CCDC171: variants seen among roughly 807,000 people sequenced by gnomAD.
CCDC171 encodes the protein coiled-coil domain containing 171.
CCDC171 carries 177 observed loss-of-function variants against 168.2 expected under a neutral mutation model. That is an observed-to-expected ratio of 1.05 (90% CI 0.93 to 1.19). CCDC171 has a LOEUF of 1.19. Ranked by LOEUF, CCDC171 falls within the 50% of genes most tolerant of loss-of-function variation. The pLI is 0.00. For missense variants in CCDC171, 1,991 were observed against 1,539.0 expected, an observed-to-expected ratio of 1.29 and a Z score of -4.91; for synonymous variants, 687 against 540.8, an observed-to-expected ratio of 1.27 and a Z score of -3.75.
intron 21 of CCDC171, among the ~76,000 whole-genome samples, chr9:15,834,184 T>C (rs972813758): frequency 2.6e-5 from 4 of 152,182 alleles, no homozygotes. Context: ...GCAATGGTTT[T>C]GTTTCAGAAA....
In CCDC171 at chr9:15,585,903, G is replaced by A. The variant is rs145449756; in HGVS notation, c.353-5463G>A. Among the ~76,000 whole-genome samples, 157 of 152,218 alleles carry A rather than the reference G, an allele frequency of 1.0e-3. 1 individual carries two copies. Among genetic ancestry groups the A allele is most frequent in the African/African-American group, 3.6e-3 (150 of 41,540 alleles). On this transcript the variant is annotated intron_variant, in intron 4 of 25. Coordinates refer to ENST00000380701, the MANE Select transcript of CCDC171 (RefSeq NM_173550.4). ...AGGCAGAAGGCTCACTTGAACCAAG[G>A]AGACAGAAGTTGCAGTGAGCTGAAA...
intron 25 of CCDC171, among the ~76,000 whole-genome samples, chr9:15,942,831 T>C (rs1280798127): frequency 6.6e-6 from 1 of 151,946 alleles, no homozygotes; most frequent in Non-Finnish European, 1.5e-5. Flanking sequence ...TAGGGTATTA[T>C]AGAAATTTTA....
In CCDC171 at chr9:15,909,529, C is replaced by G. The variant is rs1234273073; in HGVS notation, c.3601-10741C>G. Among the ~76,000 whole-genome samples, 4 of 152,098 alleles carry G rather than the reference C, an allele frequency of 2.6e-5. No homozygotes were observed. The East Asian group carries it at 7.7e-4, about 29-fold the overall frequency. On this transcript the variant is annotated intron_variant, in intron 24 of 25. Coordinates refer to ENST00000380701, the MANE Select transcript of CCDC171 (RefSeq NM_173550.4). ...ACTGGAATGGAATGTCCTGGCGAAA[C>G]AAGTATTTGTGGGCAGGACCAGAAA...
chr9:15,574,012 G>C (rs2040438509), intron 3 of CCDC171, among the ~76,000 whole-genome samples: 1 of 152,110 alleles, frequency 6.6e-6, no homozygotes, highest in African/African-American at 2.4e-5. Context: ...TGAAGTATAT[G>C]TTCACATTAA....
chr9:15,986,906 A>G (rs1171524754), intron 3 of CCDC171, among the ~76,000 whole-genome samples: 2 of 151,958 alleles, frequency 1.3e-5, no homozygotes, highest in Non-Finnish European at 2.9e-5. Flanking sequence ...GGAAAGATGT[A>G]TCCTTTAATA....
At chr9:16,038,084 G>T (rs1833506459), upstream of CCDC171, among the ~76,000 whole-genome samples, 1 of 152,122 alleles carries the variant, frequency 6.6e-6, no homozygotes, top group Admixed American at 6.5e-5. Flanking sequence ...TAATTAGGCA[G>T]CAGATTTCTT....
intron 7 of CCDC171, among the ~76,000 whole-genome samples, chr9:15,637,767 A>C (rs868297464): frequency 2.0e-5 from 3 of 151,592 alleles, no homozygotes; most frequent in Admixed American, 1.3e-4. Context: ...ATGATTTCCA[A>C]TTTCATCCAT....
chr9:15,571,350 T>A (rs943061815), intron 2 of CCDC171, among the ~76,000 whole-genome samples: 2 of 152,224 alleles, frequency 1.3e-5, no homozygotes, highest in Non-Finnish European at 2.9e-5. Context: ...CAGCTTGTGA[T>A]ATGATCAGAC....
chr9:15,964,368 G>A (rs942386430), intron 25 of CCDC171, among the ~76,000 whole-genome samples: 2 of 152,082 alleles, frequency 1.3e-5, no homozygotes, highest in African/African-American at 4.8e-5. Flanking sequence ...TGGTATGCTT[G>A]TTTTTATTTA....
upstream of CCDC171, among the ~76,000 whole-genome samples, chr9:16,040,227 T>C (rs991530833): frequency 1.3e-5 from 2 of 152,304 alleles, no homozygotes; most frequent in South Asian, 2.1e-4. Flanking sequence ...TGGCCAACGC[T>C]TTGCCCAGTC....
At chr9:15,672,707 T>A (rs2049212576) in intron 9 of CCDC171, among the ~76,000 whole-genome samples, 1 of 152,234 alleles carries the variant, frequency 6.6e-6, no homozygotes, top group Non-Finnish European at 1.5e-5. Flanking sequence ...TCCATTGGTC[T>A]ATATATCTGT....
chr9:15,643,429 C>G (rs1289078590), intron 7 of CCDC171, among the ~76,000 whole-genome samples: 1 of 152,158 alleles, frequency 6.6e-6, no homozygotes, highest in Non-Finnish European at 1.5e-5. Context: ...CCTACAACCT[C>G]TGGGGGACCC....
At chr9:15,799,408 T>C (rs2105318) in intron 21 of CCDC171, among the ~76,000 whole-genome samples, 56,963 of 151,246 alleles carry the variant, frequency 0.38, 12,701 homozygotes, top group East Asian at 0.64. Flanking sequence ...TTTGTCTCTA[T>C]GTAATGTGTC....
intron 21 of CCDC171, among the ~76,000 whole-genome samples, chr9:15,789,127 A>G (rs1053075842): frequency 4.6e-5 from 7 of 152,122 alleles, no homozygotes; most frequent in African/African-American, 1.7e-4. Flanking sequence ...GAGCATCCCT[A>G]ATTTGAAAAT....
chr9:15,849,509 T>C (rs1033219522), intron 23 of CCDC171, among the ~76,000 whole-genome samples: 3 of 151,604 alleles, frequency 2.0e-5, no homozygotes, highest in African/African-American at 7.2e-5. Context: ...TGTTAATTTG[T>C]AGTGATGAAC....
chr9:15,639,930 C>G (rs1359735958), intron 7 of CCDC171, among the ~76,000 whole-genome samples: 1 of 152,138 alleles, frequency 6.6e-6, no homozygotes, highest in African/African-American at 2.4e-5. Flanking sequence ...TTGTCTACAA[C>G]ACAGGTCTTT....
the CCDC171 span, among the ~76,000 whole-genome samples, chr9:16,078,055 AACACACACACACACACAC>A: frequency 0.13 from 18,287 of 143,872 alleles, 1,147 homozygotes; most frequent in Middle Eastern, 0.16. Context: ...CACCCATGCA[AACACACACACACACACAC>A]ACACACACAC....
chr9:15,663,614 T>C (rs1022117132), intron 8 of CCDC171, among the ~76,000 whole-genome samples: 2 of 150,926 alleles, frequency 1.3e-5, no homozygotes, highest in African/African-American at 4.9e-5. Flanking sequence ...TTTTCTTTTT[T>C]TTTTTTTTTG....
At chr9:15,773,080 T>G (rs1219309485) in intron 18 of CCDC171, among the ~76,000 whole-genome samples, 6 of 152,148 alleles carry the variant, frequency 3.9e-5, no homozygotes, top group Non-Finnish European at 8.8e-5. Context: ...TTACTAATTA[T>G]TACCTTTTTT....
Sources: gnomAD v4.1 joint callset for allele counts (sites outside exome capture counted in the v4.1 genomes callset) on GRCh38, gnomAD v4.1.1 for gene constraint, MANE v1.5 for transcripts, NCBI Gene and HGNC (gene_info 2026-07-23, HGNC 2026-07-21) for gene names.